Variants in ZNF696 observed in about 807,000 individuals in gnomAD.
ZNF696 encodes the protein zinc finger protein 696.
Under a neutral mutation model 12.3 loss-of-function variants are expected in ZNF696, and 10 were observed. The observed-to-expected ratio is 0.81, with a 90% CI of 0.50 to 1.38. The LOEUF is 1.38. Ranked by LOEUF, ZNF696 falls within the 40% of genes most tolerant of loss-of-function variation. The probability of loss-of-function intolerance (pLI) is 0.00; values close to 1 mark genes in which losing one functional copy is unlikely to be tolerated. For missense variants in ZNF696, 675 were observed against 554.7 expected, an observed-to-expected ratio of 1.22 and a Z score of -2.18; for synonymous variants, 304 against 243.9, an observed-to-expected ratio of 1.25 and a Z score of -2.29.
At position 143,296,026 on chromosome 8, in the gene ZNF696, G is replaced by A. The variant is rs1271864598; in HGVS notation, c.351G>A (p.Gly117=). 1.3e-6 allele frequency: 2 copies of A among 1,595,286 alleles called. No individual in the cohort carries two copies. Among genetic ancestry groups the A allele is most frequent in the African/African-American group, 1.3e-5 (1 of 74,648 alleles). The part of the protein sequence containing the change: ...PPNAGPGAEG[G]GSWKGRPFPC... The stretch of plus-strand genomic sequence containing the variant: ...ACGCAGGCCCCGGCGCAGAGGGCGG[G>A]GGCAGCTGGAAGGGGCGGCCTTTCC... Residue 117 remains glycine (G), a synonymous_variant, in exon 3 of 3, where the codon GGG becomes GGA. Transcript: ENST00000330143.
intron 2 of ZNF696, 151 bp from the exon 3 acceptor site, chr8:143,295,589 C>T: frequency 1.1e-6 from 1 of 884,512 alleles, no homozygotes. Flanking sequence ...CTAAAAAAAA[C>T]GAGGCGGGAA....
chr8:143,296,634 C>A lies in ZNF696; in HGVS notation c.959C>A (p.Pro320His). The A allele has an allele frequency of 1.3e-6, 2 of 1,585,268 alleles. No homozygotes were observed. Among genetic ancestry groups the A allele is most frequent in the Non-Finnish European group, 1.7e-6 (2 of 1,172,458 alleles). Residue 320 changes from proline (P) to histidine (H), a missense_variant, in exon 3 of 3, where the codon CCC (proline) becomes CAC (histidine). Transcript: ENST00000330143. ...EHRRIHTGEKPHQCGHCGRAF... is the reference protein window; with the variant it reads ...EHRRIHTGEKHHQCGHCGRAF... ...CGCCGCATCCACACCGGGGAGAAGCCCCACCAGTGCGGCCACTGCGGGCGC... is the reference window on the plus strand; with the variant it reads ...CGCCGCATCCACACCGGGGAGAAGCACCACCAGTGCGGCCACTGCGGGCGC...
intron 2 of ZNF696, among the ~76,000 whole-genome samples, chr8:143,293,715 T>G (rs1008745089): frequency 1.3e-5 from 2 of 152,210 alleles, no homozygotes; most frequent in South Asian, 2.1e-4. Flanking sequence ...GTCTTGGTTC[T>G]TTTTCCTCAT....
At position 143,296,711 on chromosome 8, in the gene ZNF696, G is replaced by A. The variant is rs1321798301; in HGVS notation, c.1036G>A (p.Glu346Lys). ...CCGGCACCAGCGACTCCACACGGGC[G>A]AGAAGCCGTTCCGCTGCACCGAGTG... ...FFRHQRLHTG[E>K]KPFRCTECGR... The change falls in exon 3 of 3, where the codon GAG (glutamate) becomes AAG (lysine). Residue 346 changes from glutamate (E) to lysine (K), a missense_variant. By Grantham distance (56) the Glu-to-Lys change is moderately conservative. Transcript: ENST00000330143. 1 of 1,556,032 alleles carries A rather than the reference G, an allele frequency of 6.4e-7. No individual in the cohort carries two copies. The highest frequency in any genetic ancestry group is 2.4e-5 in the East Asian group (1 of 42,304).
In ZNF696 at chr8:143,291,459, C is replaced by G. The variant is rs1173766371; in HGVS notation, c.-339C>G. 1 of 985,362 alleles carries G rather than the reference C, an allele frequency of 1.0e-6. No homozygotes were observed. Among genetic ancestry groups the G allele is most frequent in the African/African-American group, 1.7e-5 (1 of 57,252 alleles). The allele number at this position is 985,362 out of a possible 1,614,324, so 61.0% of individuals were successfully genotyped here. Reference sequence around the variant, plus strand: ...GCTGCTCTGGACGCTGAGGCCCCGGCTTCTCTTGCTGGGGTGTCGATTCGG... The same window carrying G: ...GCTGCTCTGGACGCTGAGGCCCCGGGTTCTCTTGCTGGGGTGTCGATTCGG... On this transcript the variant is annotated 5_prime_UTR_variant, in exon 1 of 3. Transcript: ENST00000330143.
intron 2 of ZNF696, among the ~76,000 whole-genome samples, chr8:143,293,892 C>A (rs1815665309): frequency 6.6e-6 from 1 of 152,210 alleles, no homozygotes; most frequent in Admixed American, 6.5e-5. Flanking sequence ...TGGGGACTGT[C>A]GATAGCAGCC....
At chr8:143,293,966 C>T (rs1008256544) in intron 2 of ZNF696, among the ~76,000 whole-genome samples, 8 of 152,140 alleles carry the variant, frequency 5.3e-5, no homozygotes, top group African/African-American at 1.9e-4. Flanking sequence ...TCCGTCTTAT[C>T]TGCGCCCTCC....
intron 2 of ZNF696, among the ~76,000 whole-genome samples, chr8:143,293,734 C>T (rs551363235): frequency 6.6e-6 from 1 of 152,346 alleles, no homozygotes; most frequent in Admixed American, 6.5e-5. Flanking sequence ...ATAAGCAATA[C>T]CTTTGAGTCA....
rs1231990727 is a variant in ZNF696 at position 143,298,766 on chromosome 8, A to T, written c.*1966A>T. Among the ~76,000 whole-genome samples, 1 of 152,204 alleles carries T rather than the reference A, an allele frequency of 6.6e-6. No individual in the cohort carries two copies. The highest frequency in any genetic ancestry group is 1.5e-5 in the Non-Finnish European group (1 of 68,034). On this transcript the variant is annotated 3_prime_UTR_variant, in exon 3 of 3. Transcript: ENST00000330143. Reference sequence around the variant, plus strand: ...CAGGACTCCTTAAAGAACTTTTGGAAATGAAAAACAGGCCAGGTGCAGTGG... The same window carrying T: ...CAGGACTCCTTAAAGAACTTTTGGATATGAAAAACAGGCCAGGTGCAGTGG...
rs1452661822 is a variant in ZNF696 at position 143,296,038 on chromosome 8, G to A, written c.363G>A (p.Lys121=). Residue 121 remains lysine, a synonymous_variant, in exon 3 of 3, where the codon AAG becomes AAA. Transcript: ENST00000330143. ...GCGCAGAGGGCGGGGGCAGCTGGAA[G>A]GGGCGGCCTTTCCCGTGCGGCGCCT... ...GPGAEGGGSW[K]GRPFPCGACG... is the part of the protein sequence containing the mutation. 2 of 1,593,696 alleles carry A rather than the reference G, an allele frequency of 1.3e-6. No homozygotes were observed. The highest frequency in any genetic ancestry group is 1.7e-4 in the Middle Eastern group (1 of 6,026).
At chr8:143,293,745 G>A (rs1365537245) in intron 2 of ZNF696, among the ~76,000 whole-genome samples, 1 of 152,206 alleles carries the variant, frequency 6.6e-6, no homozygotes, top group African/African-American at 2.4e-5. Flanking sequence ...CTTTGAGTCA[G>A]TTCTTGAACT....
At chr8:143,294,244 T>G (rs1815670594) in intron 2 of ZNF696, among the ~76,000 whole-genome samples, 1 of 152,170 alleles carries the variant, frequency 6.6e-6, no homozygotes, top group South Asian at 2.1e-4. Flanking sequence ...TGGAACCAAA[T>G]CTAACCAGTG....
In ZNF696 at chr8:143,291,460, T is replaced by C. The variant is rs1056665068; in HGVS notation, c.-338T>C. 2.0e-6 allele frequency: 2 copies of C among 985,338 alleles called. No individual in the cohort carries two copies. Among genetic ancestry groups the C allele is most frequent in the African/African-American group, 3.5e-5 (2 of 57,252 alleles). The allele number at this position is 985,338 out of a possible 1,614,324, so 61.0% of individuals were successfully genotyped here. Reference sequence around the variant, plus strand: ...CTGCTCTGGACGCTGAGGCCCCGGCTTCTCTTGCTGGGGTGTCGATTCGGG... The same window carrying C: ...CTGCTCTGGACGCTGAGGCCCCGGCCTCTCTTGCTGGGGTGTCGATTCGGG... On this transcript the variant is annotated 5_prime_UTR_variant, in exon 1 of 3. Transcript: ENST00000330143.
Position 143,296,538 on chromosome 8 carries a change from CGGG to C in ZNF696, c.866_868del (p.Gly289del). On this transcript the variant is annotated inframe_deletion, in exon 3 of 3. Coordinates refer to ENST00000330143, the MANE Select transcript of ZNF696 (RefSeq NM_030895.3). ...CTCCTCCAGCACCAGCGCGTGCACA[CGGG>C]GGAGCGGCCCTTCGCCTGCCAGGAC... is the stretch of plus-strand genomic sequence containing the variant. The C allele has an allele frequency of 5.0e-6, 8 of 1,603,220 alleles. No individual in the cohort carries two copies. The highest frequency in any genetic ancestry group is 6.8e-6 in the Non-Finnish European group (8 of 1,178,286).
chr8:143,296,312 G>A lies in ZNF696; in HGVS notation c.637G>A (p.Asp213Asn), dbSNP rs1226900402. The A allele has an allele frequency of 1.3e-6, 2 of 1,596,508 alleles. No individual in the cohort carries two copies. Among genetic ancestry groups the A allele is most frequent in the Non-Finnish European group, 1.7e-6 (2 of 1,174,884 alleles). Reference protein sequence around the residue: ...HTGEKPYACADCGKAFGQRSD... With the variant: ...HTGEKPYACANCGKAFGQRSD... ...GGGCGAGAAGCCCTACGCGTGCGCCGACTGCGGCAAGGCCTTCGGCCAGAG... is the reference window on the plus strand; with the variant it reads ...GGGCGAGAAGCCCTACGCGTGCGCCAACTGCGGCAAGGCCTTCGGCCAGAG... Residue 213 changes from aspartate (D) to asparagine (N), a missense_variant, in exon 3 of 3, where the codon GAC (aspartate) becomes AAC (asparagine). Asp to Asn is a conservative substitution (Grantham distance 23, BLOSUM62 1). Transcript: ENST00000330143.
Position 143,297,045 on chromosome 8 carries a change from G to T in ZNF696, c.*245G>T. ...TCCCAGAGGCGGGGAGGTCTCAGGG[G>T]TCTGTCCCGGGCCGGCCGCCCGCCT... On this transcript the variant is annotated 3_prime_UTR_variant, in exon 3 of 3. Coordinates refer to ENST00000330143, the MANE Select transcript of ZNF696 (RefSeq NM_030895.3). 6.9e-6 allele frequency: 3 copies of T among 431,904 alleles called. No individual in the cohort carries two copies. Among genetic ancestry groups the T allele is most frequent in the Non-Finnish European group, 1.2e-5 (3 of 250,414 alleles). The allele number at this position is 431,904 out of a possible 1,614,324, so 26.8% of individuals were successfully genotyped here.
chr8:143,296,954 C>CT lies in ZNF696; in HGVS notation c.*156dup, dbSNP rs767323337. 8.3e-6 allele frequency: 6 copies of CT among 722,870 alleles called. No homozygotes were observed. Among genetic ancestry groups the CT allele is most frequent in the African/African-American group, 1.9e-5 (1 of 52,736 alleles). The allele number at this position is 722,870 out of a possible 1,614,324, so 44.8% of individuals were successfully genotyped here. A position where few individuals can be genotyped will look rare whatever the true frequency, so the allele number is the denominator to read the frequency against. On this transcript the variant is annotated 3_prime_UTR_variant, in exon 3 of 3. Transcript: ENST00000330143. Reference sequence around the variant, plus strand: ...AAAGCCTCGCCAGGCCTGCATCCGCCTTGGCTTGGGAGCAATCAGGAGAGA... The same window carrying CT: ...AAAGCCTCGCCAGGCCTGCATCCGCCTTTGGCTTGGGAGCAATCAGGAGAGA...
In ZNF696 at chr8:143,297,577, G is replaced by A. The variant is rs377167907; in HGVS notation, c.*777G>A. 2 of 152,400 alleles carry A rather than the reference G, an allele frequency of 1.3e-5. No individual in the cohort carries two copies. Among genetic ancestry groups the A allele is most frequent in the African/African-American group, 4.8e-5 (2 of 41,580 alleles). 9.4% of individuals were successfully genotyped at this position (152,400 alleles called of 1,614,324 possible). A position where few individuals can be genotyped will look rare whatever the true frequency, so the allele number is the denominator to read the frequency against. On this transcript the variant is annotated 3_prime_UTR_variant, in exon 3 of 3. Coordinates refer to ENST00000330143, the MANE Select transcript of ZNF696 (RefSeq NM_030895.3). ...GGGCAGGAGAATCACTTGAACCTGGGAGGCGGAGGTTGCAGTGAGCGGAGA... is the reference window on the plus strand; with the variant it reads ...GGGCAGGAGAATCACTTGAACCTGGAAGGCGGAGGTTGCAGTGAGCGGAGA...
In ZNF696 at chr8:143,296,682, T is replaced by G; in HGVS notation, c.1007T>G (p.Phe336Cys). ...CGCGCGTTCCGGGCGCTGTCGGGCTTCTTCCGGCACCAGCGACTCCACACG... is the reference window on the plus strand; with the variant it reads ...CGCGCGTTCCGGGCGCTGTCGGGCTGCTTCCGGCACCAGCGACTCCACACG... ...CGRAFRALSG[F>C]FRHQRLHTGE... Residue 336 changes from phenylalanine to cysteine, a missense_variant, in exon 3 of 3, where the codon TTC (phenylalanine) becomes TGC (cysteine). Coordinates refer to ENST00000330143, the MANE Select transcript of ZNF696 (RefSeq NM_030895.3). 6.4e-7 allele frequency: 1 copy of G among 1,570,534 alleles called. No homozygotes were observed. Among genetic ancestry groups the G allele is most frequent in the Non-Finnish European group, 8.6e-7 (1 of 1,165,632 alleles).
Sources: allele counts gnomAD v4.1 joint callset (sites outside exome capture counted in the v4.1 genomes callset), GRCh38; gene constraint gnomAD v4.1.1; transcripts MANE v1.5; gene names NCBI Gene and HGNC (gene_info 2026-07-23, HGNC 2026-07-21).